Variants in CDK5R1 observed in about 807,000 individuals in gnomAD.
CDK5R1 encodes the protein cyclin dependent kinase 5 regulatory subunit 1.
A neutral mutation model predicts 19.0 loss-of-function variants in CDK5R1; 1 was observed. The ratio of observed to expected loss-of-function variants is 0.05; its 90% CI spans 0.02 to 0.25. The LOEUF (loss-of-function observed/expected upper bound fraction) is 0.25. CDK5R1 is among the 10% of genes least tolerant of loss of function. The probability of loss-of-function intolerance (pLI) is 1.00; values close to 1 mark genes in which losing one functional copy is unlikely to be tolerated. For synonymous variants in CDK5R1, 225 were observed against 187.7 expected (o/e 1.20, Z -1.62); for missense variants, 314 against 401.0 (o/e 0.78, Z 1.85).
At position 32,488,570 on chromosome 17, in the gene CDK5R1, A is replaced by G; in HGVS notation, c.*26A>G. 6.2e-7 allele frequency: 1 copy of G among 1,614,020 alleles called. No homozygotes were observed. Among genetic ancestry groups the G allele is most frequent in the Non-Finnish European group, 8.5e-7 (1 of 1,180,010 alleles). ...GCACTGTAGCCTGCGTCATGGCTCAAGGATTCAATGCATTTTTAAGAATTT... is the reference window on the plus strand; with the variant it reads ...GCACTGTAGCCTGCGTCATGGCTCAGGGATTCAATGCATTTTTAAGAATTT... On this transcript the variant is annotated 3_prime_UTR_variant, in exon 2 of 2. Coordinates refer to ENST00000313401, the MANE Select transcript of CDK5R1 (RefSeq NM_003885.3).
chr17:32,488,652 C>T lies in CDK5R1; in HGVS notation c.*108C>T. 1 of 1,542,464 alleles carries T rather than the reference C, an allele frequency of 6.5e-7. No homozygotes were observed. ...TCTAGCAAAGCCACCAAGGGCCTCACCTTTCCCACAGTCTCTCCCTGGGGT... is the reference window on the plus strand; with the variant it reads ...TCTAGCAAAGCCACCAAGGGCCTCATCTTTCCCACAGTCTCTCCCTGGGGT... On this transcript the variant is annotated 3_prime_UTR_variant, in exon 2 of 2. Transcript: ENST00000313401.
At position 32,490,179 on chromosome 17, in the gene CDK5R1, C is replaced by T. The variant is rs547521140; in HGVS notation, c.*1635C>T. ...GCCGTTCCTGGGACTGTCAGATAAT[C>T]GGTGCAGCGGTGGAAGGAGCCTGCG... On this transcript the variant is annotated 3_prime_UTR_variant, in exon 2 of 2. Transcript: ENST00000313401. 3.0e-5 allele frequency: 5 copies of T among 167,210 alleles called. No homozygotes were observed. The highest frequency in any genetic ancestry group is 1.2e-4 in the African/African-American group (5 of 41,576). The allele number at this position is 167,210 out of a possible 1,614,324, so 10.4% of individuals were successfully genotyped here.
chr17:32,489,349 C>T lies in CDK5R1; in HGVS notation c.*805C>T. The T allele has an allele frequency of 1.1e-5, 5 of 461,106 alleles. No homozygotes were observed. The highest frequency in any genetic ancestry group is 7.8e-5 in the South Asian group (5 of 64,074). 28.6% of individuals were successfully genotyped at this position (461,106 alleles called of 1,614,324 possible). ...CTTTTGAATAATGTAGTGCAGTCAC[C>T]CTGTGGCAAATGCCAGGACAGCTGC... On this transcript the variant is annotated 3_prime_UTR_variant, in exon 2 of 2. Transcript: ENST00000313401.
rs1193294197 is a variant in CDK5R1 at position 32,489,852 on chromosome 17, A to T, written c.*1308A>T. ...GGCCCATCACTCGGCTGTGGAGAAC[A>T]AAGACCAATGTGAAGACACTACAGA... On this transcript the variant is annotated 3_prime_UTR_variant, in exon 2 of 2. Coordinates refer to ENST00000313401, the MANE Select transcript of CDK5R1 (RefSeq NM_003885.3). 6.0e-6 allele frequency: 1 copy of T among 167,354 alleles called. No homozygotes were observed. Among genetic ancestry groups the T allele is most frequent in the Non-Finnish European group, 1.5e-5 (1 of 68,350 alleles). The allele number at this position is 167,354 out of a possible 1,614,324, so 10.4% of individuals were successfully genotyped here. A position where few individuals can be genotyped will look rare whatever the true frequency, so the allele number is the denominator to read the frequency against.
Position 32,487,515 on chromosome 17 carries a change from CG to C in CDK5R1, c.-105del. 1 of 833,856 alleles carries C rather than the reference CG, an allele frequency of 1.2e-6. No individual in the cohort carries two copies. The highest frequency in any genetic ancestry group is 1.8e-5 in the South Asian group (1 of 56,932). The allele number at this position is 833,856 out of a possible 1,614,324, so 51.7% of individuals were successfully genotyped here. On this transcript the variant is annotated 5_prime_UTR_variant, in exon 2 of 2. Coordinates refer to ENST00000313401, the MANE Select transcript of CDK5R1 (RefSeq NM_003885.3). This position sits in a 1 kb window ranked among gnomAD's most constrained non-coding sequence, Gnocchi z 7.9. ...GCAGCACGCTTCCCGGGAGCGCCCC[CG>C]CCTCCTCTCCGGGGCCGCCGCAGGC...
At position 32,487,534 on chromosome 17, in the gene CDK5R1, C is replaced by T. The variant is rs1435123428; in HGVS notation, c.-87C>T. 4 of 1,107,110 alleles carry T rather than the reference C, an allele frequency of 3.6e-6. No individual in the cohort carries two copies. The highest frequency in any genetic ancestry group is 5.1e-6 in the Non-Finnish European group (4 of 786,822). 68.6% of individuals were successfully genotyped at this position (1,107,110 alleles called of 1,614,324 possible). ...CGCCCCCGCCTCCTCTCCGGGGCCG[C>T]CGCAGGCTCGGTGAGCGGTTTTATC... On this transcript the variant is annotated 5_prime_UTR_variant, in exon 2 of 2. Transcript: ENST00000313401. The surrounding 1 kb of genome is among the most constrained non-coding windows in gnomAD (Gnocchi z 7.9).
chr17:32,490,816 G>A lies in CDK5R1; in HGVS notation c.*2272G>A, dbSNP rs1045285627. On this transcript the variant is annotated 3_prime_UTR_variant, in exon 2 of 2. Transcript: ENST00000313401. ...AAAATTACACCCATGCACAGAACAA[G>A]CCACAGGAATAATAGTTCAGGATTT... 3.6e-5 allele frequency: 6 copies of A among 167,156 alleles called. No homozygotes were observed. In the East Asian group the frequency reaches 1.2e-3, roughly 32 times the overall value. 10.4% of individuals were successfully genotyped at this position (167,156 alleles called of 1,614,324 possible). A position where few individuals can be genotyped will look rare whatever the true frequency, so the allele number is the denominator to read the frequency against.
Position 32,488,554 on chromosome 17 carries a change from C to T in CDK5R1, c.*10C>T. On this transcript the variant is annotated 3_prime_UTR_variant, in exon 2 of 2. Coordinates refer to ENST00000313401, the MANE Select transcript of CDK5R1 (RefSeq NM_003885.3). ...AGGCCTGGATCGGTGAGCACTGTAG[C>T]CTGCGTCATGGCTCAAGGATTCAAT... 2 of 1,614,110 alleles carry T rather than the reference C, an allele frequency of 1.2e-6. No homozygotes were observed. The highest frequency in any genetic ancestry group is 1.7e-6 in the Non-Finnish European group (2 of 1,180,024).
Position 32,488,125 on chromosome 17 carries a change from C to T in CDK5R1, c.505C>T (p.Leu169=), listed in dbSNP as rs377576819. Residue 169 remains leucine (L), a synonymous_variant, in exon 2 of 2, where the codon CTG becomes TTG. Coordinates refer to ENST00000313401, the MANE Select transcript of CDK5R1 (RefSeq NM_003885.3). ...LCRRCYRLKH[L]SPTDPVLWLR... The stretch of plus-strand genomic sequence containing the variant: ...CCGCCGGTGCTACCGCCTGAAGCAC[C>T]TGTCCCCCACGGACCCCGTGCTCTG... The T allele has an allele frequency of 1.5e-5, 24 of 1,613,286 alleles. No homozygotes were observed. Among genetic ancestry groups the T allele is most frequent in the Non-Finnish European group, 1.9e-5 (22 of 1,179,898 alleles).
At position 32,488,596 on chromosome 17, in the gene CDK5R1, A is replaced by G; in HGVS notation, c.*52A>G. On this transcript the variant is annotated 3_prime_UTR_variant, in exon 2 of 2. Transcript: ENST00000313401. Reference sequence around the variant, plus strand: ...GGATTCAATGCATTTTTAAGAATTTATTATTAAATCAGTTTTGTGTACAGT... The same window carrying G: ...GGATTCAATGCATTTTTAAGAATTTGTTATTAAATCAGTTTTGTGTACAGT... 3 of 1,611,486 alleles carry G rather than the reference A, an allele frequency of 1.9e-6. No individual in the cohort carries two copies. Among genetic ancestry groups the G allele is most frequent in the Admixed American group, 1.7e-5 (1 of 59,764 alleles).
rs2150845000 is a variant in CDK5R1, at chr17:32,488,676, G to T, written c.*132G>T. ...ACCTTTCCCACAGTCTCTCCCTGGGGTTTTTTTCATCCCTGCCAAGAACTC... is the reference window on the plus strand; with the variant it reads ...ACCTTTCCCACAGTCTCTCCCTGGGTTTTTTTTCATCCCTGCCAAGAACTC... On this transcript the variant is annotated 3_prime_UTR_variant, in exon 2 of 2. Coordinates refer to ENST00000313401, the MANE Select transcript of CDK5R1 (RefSeq NM_003885.3). 1.5e-5 allele frequency: 23 copies of T among 1,493,822 alleles called. No homozygotes were observed. Among genetic ancestry groups the T allele is most frequent in the East Asian group, 2.5e-5 (1 of 40,586 alleles). The allele number at this position is 1,493,822 out of a possible 1,614,324, so 92.5% of individuals were successfully genotyped here. A position where few individuals can be genotyped will look rare whatever the true frequency, so the allele number is the denominator to read the frequency against.
Position 32,487,564 on chromosome 17 carries a change from C to G in CDK5R1, c.-57C>G. On this transcript the variant is annotated 5_prime_UTR_variant, in exon 2 of 2. Transcript: ENST00000313401. This position sits in a 1 kb window ranked among gnomAD's most constrained non-coding sequence, Gnocchi z 7.9. Reference sequence around the variant, plus strand: ...GGCTCGGTGAGCGGTTTTATCCCTCCGGCCGGCAGGCTGGGCGCGCAGGGG... The same window carrying G: ...GGCTCGGTGAGCGGTTTTATCCCTCGGGCCGGCAGGCTGGGCGCGCAGGGG... 6.8e-7 allele frequency: 1 copy of G among 1,471,018 alleles called. No individual in the cohort carries two copies. The highest frequency in any genetic ancestry group is 9.3e-7 in the Non-Finnish European group (1 of 1,081,046). The allele number at this position is 1,471,018 out of a possible 1,614,324, so 91.1% of individuals were successfully genotyped here.
chr17:32,488,868 G>A lies in CDK5R1; in HGVS notation c.*324G>A, dbSNP rs1254856302. The A allele has an allele frequency of 4.9e-6, 2 of 405,984 alleles. No individual in the cohort carries two copies. Among genetic ancestry groups the A allele is most frequent in the East Asian group, 6.3e-5 (1 of 15,900 alleles). 25.1% of individuals were successfully genotyped at this position (405,984 alleles called of 1,614,324 possible). A position where few individuals can be genotyped will look rare whatever the true frequency, so the allele number is the denominator to read the frequency against. The stretch of plus-strand genomic sequence containing the variant: ...CAAGGCTGCCGGCTGCACCCTGTAT[G>A]GAGCTAGAGAGGGGCCTCTGGCTGC... On this transcript the variant is annotated 3_prime_UTR_variant, in exon 2 of 2. Transcript: ENST00000313401.
chr17:32,489,370 G>A lies in CDK5R1; in HGVS notation c.*826G>A. 4.5e-6 allele frequency: 2 copies of A among 447,868 alleles called. No individual in the cohort carries two copies. Among genetic ancestry groups the A allele is most frequent in the Non-Finnish European group, 9.4e-6 (2 of 212,550 alleles). The allele number at this position is 447,868 out of a possible 1,614,324, so 27.7% of individuals were successfully genotyped here. On this transcript the variant is annotated 3_prime_UTR_variant, in exon 2 of 2. Coordinates refer to ENST00000313401, the MANE Select transcript of CDK5R1 (RefSeq NM_003885.3). ...TCACCCTGTGGCAAATGCCAGGACA[G>A]CTGCAGGTGCCCATTAGCAACGCCT...
Position 32,488,255 on chromosome 17 carries a change from T to C in CDK5R1, c.635T>C (p.Ile212Thr). The change falls in exon 2 of 2, where the codon ATC becomes ACC. Residue 212 changes from isoleucine (I) to threonine (T), a missense_variant. By Grantham distance (89) the Ile-to-Thr change is moderately conservative. Around this residue, in one of 3 missense-constraint regions of CDK5R1, gnomAD observed 106 missense variants for 132.1 expected, o/e 0.80. Coordinates refer to ENST00000313401, the MANE Select transcript of CDK5R1 (RefSeq NM_003885.3). ...VFLYMLCRDVISSEVGSDHEL... is the reference protein window; with the variant it reads ...VFLYMLCRDVTSSEVGSDHEL... ...CTCTACATGCTCTGCAGGGATGTTA[T>C]CTCCTCCGAGGTGGGCTCGGATCAC... is the stretch of plus-strand genomic sequence containing the variant. The C allele has an allele frequency of 6.2e-7, 1 of 1,614,020 alleles. No homozygotes were observed. Among genetic ancestry groups the C allele is most frequent in the Non-Finnish European group, 8.5e-7 (1 of 1,180,040 alleles).
chr17:32,487,978 G>C lies in CDK5R1; in HGVS notation c.358G>C (p.Gly120Arg), dbSNP rs764825347. ...PASQLSGSQT[G>R]GSSSVKKAPH... ...CAGCCAGCTCTCGGGTTCCCAGACC[G>C]GGGGCTCCTCCTCAGTCAAGAAAGC... Residue 120 changes from glycine to arginine, a missense_variant, in exon 2 of 2, where the codon GGG becomes CGG. Around this residue, in one of 3 missense-constraint regions of CDK5R1, gnomAD observed 197 missense variants for 230.2 expected, o/e 0.86. Transcript: ENST00000313401. The surrounding 1 kb of genome is among the most constrained non-coding windows in gnomAD (Gnocchi z 7.9). 4 of 1,613,094 alleles carry C rather than the reference G, an allele frequency of 2.5e-6. No individual in the cohort carries two copies. Among genetic ancestry groups the C allele is most frequent in the Non-Finnish European group, 3.4e-6 (4 of 1,179,890 alleles).
At position 32,488,663 on chromosome 17, in the gene CDK5R1, G is replaced by C; in HGVS notation, c.*119G>C. The C allele has an allele frequency of 6.6e-7, 1 of 1,522,796 alleles. No homozygotes were observed. The allele number at this position is 1,522,796 out of a possible 1,614,324, so 94.3% of individuals were successfully genotyped here. A position where few individuals can be genotyped will look rare whatever the true frequency, so the allele number is the denominator to read the frequency against. ...CACCAAGGGCCTCACCTTTCCCACA[G>C]TCTCTCCCTGGGGTTTTTTTCATCC... On this transcript the variant is annotated 3_prime_UTR_variant, in exon 2 of 2. Coordinates refer to ENST00000313401, the MANE Select transcript of CDK5R1 (RefSeq NM_003885.3).
chr17:32,487,570 G>T lies in CDK5R1; in HGVS notation c.-51G>T. On this transcript the variant is annotated 5_prime_UTR_variant, in exon 2 of 2. Transcript: ENST00000313401. This position sits in a 1 kb window ranked among gnomAD's most constrained non-coding sequence, Gnocchi z 7.9. ...GTGAGCGGTTTTATCCCTCCGGCCGGCAGGCTGGGCGCGCAGGGGCGCGAG... is the reference window on the plus strand; with the variant it reads ...GTGAGCGGTTTTATCCCTCCGGCCGTCAGGCTGGGCGCGCAGGGGCGCGAG... 6.7e-7 allele frequency: 1 copy of T among 1,502,770 alleles called. No homozygotes were observed. Among genetic ancestry groups the T allele is most frequent in the Non-Finnish European group, 9.0e-7 (1 of 1,106,620 alleles). 93.1% of individuals were successfully genotyped at this position (1,502,770 alleles called of 1,614,324 possible).
In CDK5R1 at chr17:32,487,564, C is replaced by A. The variant is rs1310430043; in HGVS notation, c.-57C>A. On this transcript the variant is annotated 5_prime_UTR_variant, in exon 2 of 2. Coordinates refer to ENST00000313401, the MANE Select transcript of CDK5R1 (RefSeq NM_003885.3). This position sits in a 1 kb window ranked among gnomAD's most constrained non-coding sequence, Gnocchi z 7.9. ...GGCTCGGTGAGCGGTTTTATCCCTCCGGCCGGCAGGCTGGGCGCGCAGGGG... is the reference window on the plus strand; with the variant it reads ...GGCTCGGTGAGCGGTTTTATCCCTCAGGCCGGCAGGCTGGGCGCGCAGGGG... 6.8e-7 allele frequency: 1 copy of A among 1,471,018 alleles called. No individual in the cohort carries two copies. Among genetic ancestry groups the A allele is most frequent in the Non-Finnish European group, 9.3e-7 (1 of 1,081,046 alleles). The allele number at this position is 1,471,018 out of a possible 1,614,324, so 91.1% of individuals were successfully genotyped here.
Sources: gnomAD v4.1 joint callset for allele counts on GRCh38, gnomAD v4.1.1 for gene constraint, gnomAD v4.1.1 regional missense constraint, Gnocchi (gnomAD v3.1) non-coding constraint, MANE v1.5 for transcripts, NCBI Gene and HGNC (gene_info 2026-07-23, HGNC 2026-07-21) for gene names.